QRICH1: variants seen among roughly 807,000 people sequenced by gnomAD.
The protein encoded by QRICH1 is glutamine rich 1.
QRICH1 carries 16 observed loss-of-function variants against 87.1 expected under a neutral mutation model. The ratio of observed to expected loss-of-function variants is 0.18; its 90% CI spans 0.12 to 0.28. The LOEUF is 0.28. Ranked by LOEUF, QRICH1 falls within the 10% of genes least tolerant of loss-of-function variation. The pLI is 1.00. For missense variants in QRICH1, 647 were observed against 951.7 expected (o/e 0.68, Z 4.21); for synonymous variants, 367 against 368.4 (o/e 1.00, Z 0.05).
chr3:49,067,928 G>A (rs1274447035), intron 2 of QRICH1, among the ~76,000 whole-genome samples: 1 of 151,292 alleles, frequency 6.6e-6, no homozygotes, highest in Non-Finnish European at 1.5e-5. Flanking sequence ...TCCAGCCCAG[G>A]CGATAGAGCG....
At chr3:49,052,492 C>T (rs1375982076) in intron 3 of QRICH1, among the ~76,000 whole-genome samples, 2 of 152,046 alleles carry the variant, frequency 1.3e-5, no homozygotes, top group African/African-American at 2.4e-5. Flanking sequence ...AGGGTTGAAT[C>T]TCAATTCTGC....
chr3:49,079,497 A>T (rs1043970616), intron 1 of QRICH1, among the ~76,000 whole-genome samples: 2 of 148,080 alleles, frequency 1.4e-5, no homozygotes, highest in African/African-American at 4.9e-5. Context: ...TATTATAATT[A>T]TAATAATTAA....
At chr3:49,060,534 T>G (rs2093428677) in intron 2 of QRICH1, among the ~76,000 whole-genome samples, 1 of 151,742 alleles carries the variant, frequency 6.6e-6, no homozygotes, top group South Asian at 2.1e-4. Context: ...TTCACCATGT[T>G]GGCCAGGCTG....
At chr3:49,078,342 T>G (rs1182413324) in intron 1 of QRICH1, among the ~76,000 whole-genome samples, 1 of 150,746 alleles carries the variant, frequency 6.6e-6, no homozygotes, top group Non-Finnish European at 1.5e-5. Context: ...CATATATACC[T>G]GCTGCATTTG....
Position 49,044,421 on chromosome 3 carries a change from C to A in QRICH1, c.1755G>T (p.Leu585=). The A allele has an allele frequency of 6.2e-7, 1 of 1,613,540 alleles. No homozygotes were observed. The highest frequency in any genetic ancestry group is 8.5e-7 in the Non-Finnish European group (1 of 1,179,694). Reference sequence around the variant, plus strand: ...GAGTGACCCGGGGCTGAACATCCTTCAGAACTTCATGTAGCCACTCCGTGA... The same window carrying A: ...GAGTGACCCGGGGCTGAACATCCTTAAGAACTTCATGTAGCCACTCCGTGA... The part of the protein sequence containing the change: ...VRFTEWLHEV[L]KDVQPRVTPL... Residue 585 remains leucine, a synonymous_variant, in exon 6 of 10, where the codon CTG becomes CTT. Transcript: ENST00000395443.
rs1214501563 is a variant in QRICH1, at chr3:49,057,457, C to T, written c.743G>A (p.Arg248His). The T allele has an allele frequency of 3.1e-6, 5 of 1,613,480 alleles. No individual in the cohort carries two copies. Among genetic ancestry groups the T allele is most frequent in the East Asian group, 2.2e-5 (1 of 44,876 alleles). The change falls in exon 3 of 10, where the codon CGC (arginine) becomes CAC (histidine). Residue 248 changes from arginine to histidine, a missense_variant. Around this residue, in one of 7 missense-constraint regions of QRICH1, gnomAD observed 75 missense variants for 141.0 expected, o/e 0.53. Transcript: ENST00000395443. This position sits in a 1 kb window ranked among gnomAD's most constrained non-coding sequence, Gnocchi z 5.4. ...CACAGTGATGGGCATGTCCACTTTG[C>T]GCTTCTTCACTGGTTGGAGGACACT... ...TASVLQPVKK[R>H]KVDMPITVSY...
At chr3:49,081,254 T>G (rs1309463382) in intron 1 of QRICH1, among the ~76,000 whole-genome samples, 1 of 151,832 alleles carries the variant, frequency 6.6e-6, no homozygotes, top group Non-Finnish European at 1.5e-5. Context: ...CTGCCTTTAC[T>G]AAAAATATAA....
In QRICH1 at chr3:49,057,922, C is replaced by G; in HGVS notation, c.310-32G>C. 2 of 1,613,782 alleles carry G rather than the reference C, an allele frequency of 1.2e-6. No individual in the cohort carries two copies. Among genetic ancestry groups the G allele is most frequent in the Non-Finnish European group, 1.7e-6 (2 of 1,179,984 alleles). On this transcript the variant is annotated intron_variant, in intron 2 of 9. Transcript: ENST00000395443. This position sits in a 1 kb window ranked among gnomAD's most constrained non-coding sequence, Gnocchi z 5.4. ...GCAACAAGATTCATCAGTGAGTGAACCAGGCAGCACTGAAAATCCAGTACC... is the reference window on the plus strand; with the variant it reads ...GCAACAAGATTCATCAGTGAGTGAAGCAGGCAGCACTGAAAATCCAGTACC...
intron 1 of QRICH1, among the ~76,000 whole-genome samples, chr3:49,088,971 G>A (rs1004156775): frequency 7.2e-5 from 11 of 151,998 alleles, no homozygotes; most frequent in African/African-American, 9.7e-5. Flanking sequence ...GTTTGTGATA[G>A]AAGTTATCCC....
At chr3:49,089,903 G>A (rs1221702105) in intron 1 of QRICH1, among the ~76,000 whole-genome samples, 1 of 152,138 alleles carries the variant, frequency 6.6e-6, no homozygotes, top group East Asian at 1.9e-4. Context: ...TACTGGCATC[G>A]TTTTATTTCT....
chr3:49,086,448 G>A (rs1269132647), intron 1 of QRICH1, among the ~76,000 whole-genome samples: 6 of 151,696 alleles, frequency 4.0e-5, no homozygotes, highest in Admixed American at 6.6e-5. Context: ...TAGTAGAGAC[G>A]GGGTTTCGCC....
At position 49,066,074 on chromosome 3, in the gene QRICH1, C is replaced by G. The variant is rs2093466761; in HGVS notation, c.310-8184G>C. ...CTAAAGCTGGTGGACTGCTTGAGCT[C>G]AGGAGTTCGAGACCAGCCTGGGCAA... On this transcript the variant is annotated intron_variant, in intron 2 of 9. Transcript: ENST00000395443. Among the ~76,000 whole-genome samples the G allele has an allele frequency of 3.9e-5, 6 of 152,164 alleles. No homozygotes were observed. The South Asian group carries it at 1.2e-3, about 32-fold the overall frequency.
intron 3 of QRICH1, among the ~76,000 whole-genome samples, chr3:49,049,678 A>G (rs916673425): frequency 1.3e-5 from 2 of 151,438 alleles, no homozygotes; most frequent in Non-Finnish European, 2.9e-5. Context: ...TTGTATTTTT[A>G]GTAGAGACGG....
At chr3:49,067,019 CAG>C (rs1453013364) in intron 2 of QRICH1, among the ~76,000 whole-genome samples, 1 of 150,820 alleles carries the variant, frequency 6.6e-6, no homozygotes, top group East Asian at 2.0e-4. Flanking sequence ...GCCTCATCGA[CAG>C]AGACTCTGTC....
intron 2 of QRICH1, among the ~76,000 whole-genome samples, chr3:49,062,987 G>A (rs1473482134): frequency 6.6e-6 from 1 of 151,280 alleles, no homozygotes; most frequent in South Asian, 2.1e-4. Context: ...GTGACAGAAC[G>A]AGACTCCGTC....
At chr3:49,075,244 G>A (rs563021384) in intron 2 of QRICH1, among the ~76,000 whole-genome samples, 6 of 151,106 alleles carry the variant, frequency 4.0e-5, no homozygotes, top group Non-Finnish European at 5.9e-5. Flanking sequence ...CTGGATGATC[G>A]CTTAAGCCTT....
intron 1 of QRICH1, among the ~76,000 whole-genome samples, chr3:49,079,978 G>A (rs545900462): frequency 5.3e-5 from 8 of 149,734 alleles, no homozygotes; most frequent in Non-Finnish European, 8.8e-5. Context: ...GCGGTGAGCC[G>A]AGATCGTGCC....
At chr3:49,048,779 C>CG (rs2093353281) in intron 3 of QRICH1, among the ~76,000 whole-genome samples, 3 of 34,290 alleles carry the variant, frequency 8.7e-5, no homozygotes, top group African/African-American at 4.9e-4. Context: ...CAGAGTGAGA[C>CG]TCTGTTCACA....
intron 2 of QRICH1, among the ~76,000 whole-genome samples, chr3:49,065,078 A>G (rs2093459602): frequency 6.6e-6 from 1 of 152,198 alleles, no homozygotes; most frequent in African/African-American, 2.4e-5. Context: ...CTCATGAAAA[A>G]TAACTATTTG....
Sources: allele counts gnomAD v4.1 joint callset (sites outside exome capture counted in the v4.1 genomes callset), GRCh38; gene constraint gnomAD v4.1.1; regional missense constraint gnomAD v4.1.1; non-coding constraint Gnocchi (gnomAD v3.1); transcripts MANE v1.5; gene names NCBI Gene and HGNC (gene_info 2026-07-23, HGNC 2026-07-21).